EPB42: variants seen among roughly 807,000 people sequenced by gnomAD.
EPB42 encodes the protein protein 4.2.
A neutral mutation model predicts 76.9 loss-of-function variants in EPB42; 49 were observed. That is an observed-to-expected ratio of 0.64 (90% CI 0.51 to 0.81). EPB42 has a LOEUF of 0.81. EPB42 is among the 30% of genes least tolerant of loss of function. The probability of loss-of-function intolerance (pLI) is 0.00; values close to 1 mark genes in which losing one functional copy is unlikely to be tolerated. For missense variants in EPB42, 731 were observed against 867.6 expected (o/e 0.84, Z 1.98); for synonymous variants, 310 against 338.4 (o/e 0.92, Z 0.92).
At chr15:43,220,692 C>A (rs1416345542) in intron 1 of EPB42, 124 bp downstream of exon 1, 2 of 1,579,502 alleles carry the variant, frequency 1.3e-6, no homozygotes, top group Admixed American at 3.4e-5. Context: ...TACCCCCTCC[C>A]CCACCATAGT....
At chr15:43,201,736 G>C in intron 12 of EPB42, 108 bp downstream of exon 12, 1 of 1,501,564 alleles carries the variant, frequency 6.7e-7, no homozygotes, top group South Asian at 1.1e-5. Context: ...GTTTCTAGGG[G>C]TATCTGCTGT....
In EPB42 at chr15:43,205,518, G is replaced by A. The variant is rs147445863; in HGVS notation, c.1618+812C>T. On this transcript the variant is annotated intron_variant, in intron 10 of 12. Transcript: ENST00000441366. ...GGGTTCAAGCGATTCTCCTGCCTCA[G>A]TCTCCCCAGTAGCTGGGATTACAGT... 9.9e-4 allele frequency among the ~76,000 whole-genome samples: 150 copies of A among 152,252 alleles called. 1 individual carries two copies. Among genetic ancestry groups the A allele is most frequent in the African/African-American group, 3.5e-3 (146 of 41,540 alleles).
intron 4 of EPB42, among the ~76,000 whole-genome samples, chr15:43,210,831 G>T (rs1596412347): frequency 6.6e-6 from 1 of 152,190 alleles, no homozygotes; most frequent in Non-Finnish European, 1.5e-5. Flanking sequence ...TTCCTGAGGA[G>T]CCCACGGTTT....
In EPB42 at chr15:43,216,450, A is replaced by C. The variant is rs1399994395; in HGVS notation, c.14T>G (p.Leu5Arg). MGQALGIKSCDFQAA... is the reference protein window; with the variant it reads MGQARGIKSCDFQAA... ...CTGAAAGTCACAGCTCTTGATACCCAGGGCTGTTGTGGGAAAGAGAGAAGT... is the reference window on the plus strand; with the variant it reads ...CTGAAAGTCACAGCTCTTGATACCCCGGGCTGTTGTGGGAAAGAGAGAAGT... The change falls in exon 2 of 13, where the codon CTG becomes CGG. Residue 5 changes from leucine to arginine, a missense_variant. Transcript: ENST00000441366. The C allele has an allele frequency of 1.2e-6, 2 of 1,613,990 alleles. No individual in the cohort carries two copies. Among genetic ancestry groups the C allele is most frequent in the Non-Finnish European group, 1.7e-6 (2 of 1,180,036 alleles).
At chr15:43,204,431 C>A (rs563621810) in intron 10 of EPB42, among the ~76,000 whole-genome samples, 1 of 152,130 alleles carries the variant, frequency 6.6e-6, no homozygotes, top group Non-Finnish European at 1.5e-5. Flanking sequence ...TGTTGGCCCC[C>A]CTGTGCTGGG....
chr15:43,220,777 A>G (rs559327577), intron 1 of EPB42, 39 bp downstream of exon 1: 2 of 1,612,796 alleles, frequency 1.2e-6, no homozygotes, highest in South Asian at 2.2e-5. Flanking sequence ...GGGGCTGCAT[A>G]CAGTCCAGCA....
chr15:43,206,285 G>A lies in EPB42; in HGVS notation c.1618+45C>T. On this transcript the variant is annotated intron_variant, in intron 10 of 12. Coordinates refer to ENST00000441366, the MANE Select transcript of EPB42 (RefSeq NM_001114134.2). The surrounding 1 kb of genome is among the most constrained non-coding windows in gnomAD (Gnocchi z 4.7). ...TGCCTGCCCAAGGCAGGGGCCATGT[G>A]TGTGTGTGTGTCGGGGGGTGTCTGG... The A allele has an allele frequency of 1.9e-6, 3 of 1,554,736 alleles. No homozygotes were observed. The South Asian group carries it at 3.6e-5, about 19-fold the overall frequency.
upstream of EPB42, among the ~76,000 whole-genome samples, chr15:43,222,791 T>C (rs1458087155): frequency 6.6e-6 from 1 of 152,214 alleles, no homozygotes; most frequent in Non-Finnish European, 1.5e-5. Flanking sequence ...TTGGGACAAC[T>C]AGCTTGTCAA....
chr15:43,216,914 T>C (rs1359815747), intron 1 of EPB42, among the ~76,000 whole-genome samples: 1 of 152,222 alleles, frequency 6.6e-6, no homozygotes, highest in African/African-American at 2.4e-5. Context: ...TCTTGTTTTA[T>C]AGATGAGAAG....
chr15:43,216,329 G>T lies in EPB42; in HGVS notation c.135C>A (p.Phe45Leu). 2 of 1,614,230 alleles carry T rather than the reference G, an allele frequency of 1.2e-6. No individual in the cohort carries two copies. Among genetic ancestry groups the T allele is most frequent in the South Asian group, 1.1e-5 (1 of 91,086 alleles). The change falls in exon 2 of 13, where the codon TTC becomes TTA. Residue 45 changes from phenylalanine (F) to leucine (L), a missense_variant. By Grantham distance (22) the Phe-to-Leu change is conservative. Coordinates refer to ENST00000441366, the MANE Select transcript of EPB42 (RefSeq NM_001114134.2). ...RGQPFTIILY[F>L]RAPVRAFLPA... ...GCAGAAATGCACGGACTGGAGCGCG[G>T]AAGTACAGGATGATGGTGAAGGGCT...
upstream of EPB42, among the ~76,000 whole-genome samples, chr15:43,225,308 T>C (rs571356332): frequency 6.6e-6 from 1 of 152,262 alleles, no homozygotes; most frequent in African/African-American, 2.4e-5. Context: ...TGTGTTAATA[T>C]TTTTAAAGTA....
At position 43,197,291 on chromosome 15, in the gene EPB42, G is replaced by C. The variant is rs550139018; in HGVS notation, c.*11C>G. On this transcript the variant is annotated 3_prime_UTR_variant, in exon 13 of 13. Coordinates refer to ENST00000441366, the MANE Select transcript of EPB42 (RefSeq NM_001114134.2). ...AAGGGTTGGCAGGAGAGTGGTGATA[G>C]AGCTGGAAGTTTAAGCTGATAGTTC... 26 of 1,614,172 alleles carry C rather than the reference G, an allele frequency of 1.6e-5. No homozygotes were observed. The East Asian group carries it at 4.0e-4, about 25-fold the overall frequency.
At chr15:43,222,737 A>G (rs1044852546), upstream of EPB42, among the ~76,000 whole-genome samples, 12 of 152,244 alleles carry the variant, frequency 7.9e-5, no homozygotes, top group African/African-American at 2.9e-4. Context: ...TAAATGTGGC[A>G]CTTCAAATCC....
Position 43,209,350 on chromosome 15 carries a change from C to T in EPB42, c.756G>A (p.Leu252=). The change falls in exon 6 of 13, where the codon CTG becomes CTA. Residue 252 remains leucine (L), a synonymous_variant. Coordinates refer to ENST00000441366, the MANE Select transcript of EPB42 (RefSeq NM_001114134.2). ...GGCCTCGGCCGGTGAGCCACTGCCG[C>T]AGGATGGGCACGCTGCCCCGGCGCT... is the stretch of plus-strand genomic sequence containing the variant. ...LNKRRGSVPI[L]RQWLTGRGRP... 6.2e-7 allele frequency: 1 copy of T among 1,614,156 alleles called. No homozygotes were observed.
intron 1 of EPB42, among the ~76,000 whole-genome samples, chr15:43,219,062 G>C (rs139487843): frequency 1.3e-5 from 2 of 152,276 alleles, no homozygotes; most frequent in East Asian, 1.9e-4. Flanking sequence ...CGACTGGCTG[G>C]GGGGAGGGGG....
At chr15:43,216,936 G>T (rs1368707627) in intron 1 of EPB42, among the ~76,000 whole-genome samples, 1 of 152,202 alleles carries the variant, frequency 6.6e-6, no homozygotes, top group African/African-American at 2.4e-5. Flanking sequence ...GTGAGGCTGA[G>T]TGTGGAACTG....
chr15:43,203,865 T>C (rs1411366557), intron 10 of EPB42, among the ~76,000 whole-genome samples: 1 of 152,212 alleles, frequency 6.6e-6, no homozygotes, highest in African/African-American at 2.4e-5. Flanking sequence ...TTGTGAGGGC[T>C]AACAAGATGA....
At chr15:43,199,294 G>A (rs1177371102) in intron 12 of EPB42, among the ~76,000 whole-genome samples, 4 of 152,208 alleles carry the variant, frequency 2.6e-5, no homozygotes, top group African/African-American at 7.2e-5. Context: ...AGCCACAGGG[G>A]CAGAGAGAAC....
upstream of EPB42, among the ~76,000 whole-genome samples, chr15:43,222,234 A>G (rs530960188): frequency 3.9e-5 from 6 of 152,342 alleles, no homozygotes; most frequent in East Asian, 1.2e-3. Flanking sequence ...ATCTACTAAC[A>G]ATGATTATAA....
Sources: gnomAD v4.1 joint callset for allele counts (sites outside exome capture counted in the v4.1 genomes callset) on GRCh38, gnomAD v4.1.1 for gene constraint, Gnocchi (gnomAD v3.1) non-coding constraint, MANE v1.5 for transcripts, NCBI Gene and HGNC (gene_info 2026-07-23, HGNC 2026-07-21) for gene names.